ANKRD33B: variants seen among roughly 807,000 people sequenced by gnomAD.
The protein encoded by ANKRD33B is ankyrin repeat domain 33B, also known as ankyrin repeat domain-containing protein 33B.
A neutral mutation model predicts 21.5 loss-of-function variants in ANKRD33B; 6 were observed. The ratio of observed to expected loss-of-function variants is 0.28; its 90% confidence interval spans 0.15 to 0.55. The LOEUF (loss-of-function observed/expected upper bound fraction) is 0.55, where lower values mean the gene tolerates loss of function less well. Among genes scored for constraint, ANKRD33B ranks in the 20% least tolerant of loss-of-function variants. The pLI is 0.94. For synonymous variants in ANKRD33B, 347 were observed against 342.4 expected, an observed-to-expected ratio of 1.01 and a Z score of -0.15; for missense variants, 698 against 747.2, an observed-to-expected ratio of 0.93 and a Z score of 0.77.
intron 2 of ANKRD33B, among the ~76,000 whole-genome samples, chr5:10,632,474 G>C (rs1487981628): frequency 6.6e-6 from 1 of 152,162 alleles, no homozygotes; most frequent in African/African-American, 2.4e-5. Flanking sequence ...GCGGAACCAG[G>C]GGTGTGGCGG....
intron 1 of ANKRD33B, among the ~76,000 whole-genome samples, chr5:10,605,505 T>C (rs758704234): frequency 5.9e-5 from 9 of 152,016 alleles, no homozygotes; most frequent in Middle Eastern, 6.8e-3. Context: ...CTCTTTCTCA[T>C]TGAGTTTCTT....
chr5:10,595,161 G>A (rs537350378), intron 1 of ANKRD33B, among the ~76,000 whole-genome samples: 1 of 152,272 alleles, frequency 6.6e-6, no homozygotes, highest in South Asian at 2.1e-4. Context: ...GGCCAGACCG[G>A]AGGGTTACAT....
At chr5:10,647,061 T>C (rs749791092) in intron 3 of ANKRD33B, among the ~76,000 whole-genome samples, 17 of 152,238 alleles carry the variant, frequency 1.1e-4, no homozygotes, top group Non-Finnish European at 2.1e-4. Context: ...GTTCTCCATG[T>C]TGCTTTGCTG....
rs1736356190 is a variant in ANKRD33B, at chr5:10,619,183, C to T, written c.496+721C>T. 1 of 443,000 alleles carries T rather than the reference C, an allele frequency of 2.3e-6. No individual in the cohort carries two copies. Among genetic ancestry groups the T allele is most frequent in the African/African-American group, 2.1e-5 (1 of 46,800 alleles). 27.4% of individuals were successfully genotyped at this position (443,000 alleles called of 1,614,324 possible). On this transcript the variant is annotated intron_variant, in intron 2 of 3. Transcript: ENST00000296657. This position sits in a 1 kb window ranked among gnomAD's most constrained non-coding sequence, Gnocchi z 4.5. ...CCAGGTTTATCACTGACCCCTTTCA[C>T]ATTTCTTTGCCTCCAAAGATTCTGT...
At chr5:10,606,710 G>A (rs929577565) in intron 1 of ANKRD33B, among the ~76,000 whole-genome samples, 15 of 151,700 alleles carry the variant, frequency 9.9e-5, no homozygotes, top group Admixed American at 3.9e-4. Flanking sequence ...CTCCAGCCTG[G>A]CGACAGAGCA....
At chr5:10,633,969 C>A (rs1056291677) in intron 2 of ANKRD33B, among the ~76,000 whole-genome samples, 1 of 152,138 alleles carries the variant, frequency 6.6e-6, no homozygotes, top group South Asian at 2.1e-4. Flanking sequence ...GCACGCAGCC[C>A]GCGGGTTAAG....
intron 1 of ANKRD33B, among the ~76,000 whole-genome samples, chr5:10,567,266 A>G (rs1735082537): frequency 1.3e-5 from 2 of 152,186 alleles, no homozygotes; most frequent in African/African-American, 4.8e-5. Flanking sequence ...TTCCTGAAAA[A>G]CAGCTGAAAG....
chr5:10,597,823 C>A (rs182346710), intron 1 of ANKRD33B, among the ~76,000 whole-genome samples: 1 of 152,334 alleles, frequency 6.6e-6, no homozygotes, highest in Non-Finnish European at 1.5e-5. Context: ...GAACTGAAAT[C>A]ATAACAAACA....
chr5:10,572,537 C>T (rs756485715), intron 1 of ANKRD33B, among the ~76,000 whole-genome samples: 27 of 152,188 alleles, frequency 1.8e-4, no homozygotes, highest in Non-Finnish European at 3.4e-4. Flanking sequence ...TAGGTGCTCC[C>T]GTGGTGGAGC....
intron 2 of ANKRD33B, among the ~76,000 whole-genome samples, chr5:10,623,002 C>G (rs200817426): frequency 6.6e-6 from 1 of 152,066 alleles, no homozygotes; most frequent in Non-Finnish European, 1.5e-5. Context: ...GGGAAGAACT[C>G]GGGTCCAGGT....
At chr5:10,607,909 A>T (rs904963325) in intron 1 of ANKRD33B, among the ~76,000 whole-genome samples, 3 of 152,180 alleles carry the variant, frequency 2.0e-5, no homozygotes, top group Admixed American at 6.5e-5. Flanking sequence ...AGGAGCACAA[A>T]TGCCTATTCC....
chr5:10,627,031 G>A (rs1434315187), intron 2 of ANKRD33B, among the ~76,000 whole-genome samples: 1 of 152,234 alleles, frequency 6.6e-6, no homozygotes, highest in Non-Finnish European at 1.5e-5. Context: ...GGATGCAAAT[G>A]CCTTCATCTG....
At position 10,649,720 on chromosome 5, in the gene ANKRD33B, C is replaced by T. The variant is rs1203034848; in HGVS notation, c.1092C>T (p.Gly364=). 22 of 1,493,058 alleles carry T rather than the reference C, an allele frequency of 1.5e-5. No individual in the cohort carries two copies. Among genetic ancestry groups the T allele is most frequent in the Non-Finnish European group, 1.9e-5 (21 of 1,125,350 alleles). The allele number at this position is 1,493,058 out of a possible 1,614,324, so 92.5% of individuals were successfully genotyped here. The change falls in exon 4 of 4, where the codon GGC becomes GGT. Residue 364 remains glycine (G), a synonymous_variant. Coordinates refer to ENST00000296657, the MANE Select transcript of ANKRD33B (RefSeq NM_001164440.2). ...PQAQEEDEVG[G]AGQRGRTGQE... ...CGCAGGAGGAGGATGAGGTGGGGGG[C>T]GCGGGGCAGCGCGGGCGGACCGGAC...
intron 2 of ANKRD33B, among the ~76,000 whole-genome samples, chr5:10,630,378 A>G (rs879272828): frequency 1.3e-5 from 2 of 152,186 alleles, no homozygotes; most frequent in Admixed American, 1.3e-4. Context: ...AACATGCATG[A>G]AAGTCTGGAT....
chr5:10,599,612 T>A (rs1735889093), intron 1 of ANKRD33B, among the ~76,000 whole-genome samples: 3 of 152,210 alleles, frequency 2.0e-5, no homozygotes, highest in Admixed American at 1.3e-4. Flanking sequence ...ATGGGTAATA[T>A]CACTTAGCAT....
chr5:10,623,269 G>A (rs1579741833), intron 2 of ANKRD33B, among the ~76,000 whole-genome samples: 1 of 152,164 alleles, frequency 6.6e-6, no homozygotes, highest in African/African-American at 2.4e-5. Flanking sequence ...GGCATTGCCG[G>A]AATTTTGCAG....
chr5:10,618,701 C>G (rs1399353098), intron 2 of ANKRD33B, among the ~76,000 whole-genome samples: 1 of 152,226 alleles, frequency 6.6e-6, no homozygotes, highest in African/African-American at 2.4e-5. Flanking sequence ...GAATATGAAT[C>G]TGTACCAGAA....
chr5:10,575,148 G>C lies in ANKRD33B; in HGVS notation c.366+10315G>C, dbSNP rs1204314809. 3.5e-5 allele frequency among the ~76,000 whole-genome samples: 2 copies of C among 57,490 alleles called. 1 individual carries two copies. Among genetic ancestry groups the C allele is most frequent in the Non-Finnish European group, 1.0e-4 (2 of 20,024 alleles). 37.7% of individuals were successfully genotyped at this position (57,490 alleles called of 152,430 possible). On this transcript the variant is annotated intron_variant, in intron 1 of 3. Coordinates refer to ENST00000296657, the MANE Select transcript of ANKRD33B (RefSeq NM_001164440.2). ...ACTTAAGAGTCTTGCTGGCAGGCTG[G>C]GCGCGGTGGCTCACACCTGTAATGC...
chr5:10,610,947 G>A lies in ANKRD33B; in HGVS notation c.367-7386G>A, dbSNP rs1383305432. ...TAATCCCAGCTACCTGGGAGGCCGA[G>A]GCAGGAGAATTGCTTGAACCTGGGG... On this transcript the variant is annotated intron_variant, in intron 1 of 3. Transcript: ENST00000296657. 4.6e-5 allele frequency among the ~76,000 whole-genome samples: 7 copies of A among 152,324 alleles called. No homozygotes were observed. The East Asian group carries it at 1.3e-3, about 29-fold the overall frequency.
Sources: allele counts gnomAD v4.1 joint callset (sites outside exome capture counted in the v4.1 genomes callset), GRCh38; gene constraint gnomAD v4.1.1; non-coding constraint Gnocchi (gnomAD v3.1); transcripts MANE v1.5; gene names NCBI Gene and HGNC (gene_info 2026-07-23, HGNC 2026-07-21).